SHISA4: variants seen among roughly 807,000 people sequenced by gnomAD.
SHISA4 encodes the protein protein shisa-4.
Under a neutral mutation model 24.2 loss-of-function variants are expected in SHISA4, and 16 were observed. That is an observed-to-expected ratio of 0.66 (90% confidence interval 0.45 to 1.00). The LOEUF (loss-of-function observed/expected upper bound fraction) is 1.00. SHISA4 is among the 50% of genes least tolerant of loss of function. SHISA4 has a pLI of 0.00. For synonymous variants in SHISA4, 106 were observed against 105.4 expected, an observed-to-expected ratio of 1.01 and a Z score of -0.04; for missense variants, 238 against 258.9, an observed-to-expected ratio of 0.92 and a Z score of 0.55.
chr1:201,890,417 G>T, intron 2 of SHISA4, 37 bp from the exon 3 acceptor site: 1 of 1,611,652 alleles, frequency 6.2e-7, no homozygotes, highest in Non-Finnish European at 8.5e-7. Context: ...CGTCCTATGA[G>T]TGTTGGAAGG....
chr1:201,890,227 C>T (rs560449001), intron 2 of SHISA4, among the ~76,000 whole-genome samples: 4 of 152,234 alleles, frequency 2.6e-5, no homozygotes, highest in Middle Eastern at 3.4e-3. Flanking sequence ...TGGTTGGGGG[C>T]GCACTGCAAA....
rs1681108480 is a variant in SHISA4 at position 201,891,923 on chromosome 1, T to C, written c.*77T>C. ...GCCCTCATCCTGTACCTGCATCTGG[T>C]CCTGGGGGTGGCAGGAGTCCTCCAG... On this transcript the variant is annotated 3_prime_UTR_variant, in exon 5 of 5. Coordinates refer to ENST00000362011, the MANE Select transcript of SHISA4 (RefSeq NM_198149.3). 6.4e-7 allele frequency: 1 copy of C among 1,567,028 alleles called. No individual in the cohort carries two copies. The highest frequency in any genetic ancestry group is 1.4e-5 in the African/African-American group (1 of 73,732).
intron 1 of SHISA4, 71 bp from the exon 2 acceptor site, chr1:201,889,374 G>A (rs1005939862): frequency 3.2e-6 from 5 of 1,586,778 alleles, no homozygotes; most frequent in Admixed American, 3.4e-5. Flanking sequence ...ACCGCCGGGG[G>A]AGTGGGGCCG....
chr1:201,889,593 G>A lies in SHISA4; in HGVS notation c.222G>A (p.Gln74=), dbSNP rs1681054973. The A allele has an allele frequency of 6.2e-7, 1 of 1,613,742 alleles. No homozygotes were observed. The highest frequency in any genetic ancestry group is 2.2e-5 in the East Asian group (1 of 44,878). The part of the protein sequence containing the change: ...RDLTLLITER[Q]QKHCLAFSPK... ...TGACCTTGCTTATCACCGAGAGGCA[G>A]CAGAAGCACTGCCTGGCCTTCAGGT... is the stretch of plus-strand genomic sequence containing the variant. Residue 74 remains glutamine, a synonymous_variant, in exon 2 of 5, where the codon CAG becomes CAA. Coordinates refer to ENST00000362011, the MANE Select transcript of SHISA4 (RefSeq NM_198149.3).
chr1:201,889,352 G>A (rs1681047459), intron 1 of SHISA4, 93 bp from the exon 2 acceptor site: 2 of 1,544,908 alleles, frequency 1.3e-6, no homozygotes, highest in East Asian at 2.3e-5. Context: ...TTCGGGAGCC[G>A]TCAGGCTGGG....
At chr1:201,889,271 G>C in intron 1 of SHISA4, 174 bp from the exon 2 acceptor site, 1 of 990,402 alleles carries the variant, frequency 1.0e-6, no homozygotes. Context: ...TGCAGGGTCA[G>C]CTTCAGGCAG....
Position 201,890,479 on chromosome 1 carries a change from T to C in SHISA4, c.271T>C (p.Ser91Pro). 6.2e-7 allele frequency: 1 copy of C among 1,614,256 alleles called. No individual in the cohort carries two copies. The highest frequency in any genetic ancestry group is 8.5e-7 in the Non-Finnish European group (1 of 1,180,044). Residue 91 changes from serine (S) to proline (P), a missense_variant, in exon 3 of 5, where the codon TCA becomes CCA. By Grantham distance (74) the Ser-to-Pro change is moderately conservative. Coordinates refer to ENST00000362011, the MANE Select transcript of SHISA4 (RefSeq NM_198149.3). ...CCCCAAGACCATAGCAGGCATCGCC[T>C]CAGCTGTGATCCTCTTTGTTGCTGT... ...FSPKTIAGIA[S>P]AVILFVAVVA... is the part of the protein sequence containing the mutation.
rs1369599188 is a variant in SHISA4, at chr1:201,890,659, C to A, written c.379+72C>A. 3 of 1,571,434 alleles carry A rather than the reference C, an allele frequency of 1.9e-6. 1 individual carries two copies. The highest frequency in any genetic ancestry group is 4.5e-5 in the East Asian group (2 of 44,498). On this transcript the variant is annotated intron_variant, in intron 3 of 4. Transcript: ENST00000362011. ...GTCCAATAATGGGCAGCAGAGAGTT[C>A]ATGGATTGGGTAAATTCTGTAGTAG...
At chr1:201,889,142 G>A (rs1423812052) in intron 1 of SHISA4, 75 bp downstream of exon 1, 5 of 1,305,630 alleles carry the variant, frequency 3.8e-6, no homozygotes, top group Non-Finnish European at 5.1e-6. Flanking sequence ...CGAGGGGCTT[G>A]GGCTCGGGGC....
chr1:201,889,375 A>T (rs1681048287), intron 1 of SHISA4, 70 bp from the exon 2 acceptor site: 2 of 1,584,834 alleles, frequency 1.3e-6, no homozygotes, highest in Non-Finnish European at 1.7e-6. Context: ...CCGCCGGGGG[A>T]GTGGGGCCGA....
chr1:201,891,496 A>G lies in SHISA4; in HGVS notation c.475A>G (p.Ile159Val), dbSNP rs1354563810. 5.0e-6 allele frequency: 8 copies of G among 1,613,518 alleles called. No homozygotes were observed. The highest frequency in any genetic ancestry group is 5.9e-6 in the Non-Finnish European group (7 of 1,179,836). ...CCCTGCACCCCCACAGCCTGGCTTC[A>G]TATACCCACCTAGTGGTCCTGCTCC... Reference protein sequence around the residue: ...AGPAPPQPGFIYPPSGPAPQY... With the variant: ...AGPAPPQPGFVYPPSGPAPQY... Residue 159 changes from isoleucine to valine, a missense_variant, in exon 4 of 5, where the codon ATA becomes GTA. Physicochemically the swap from Ile to Val is conservative, Grantham distance 29. Coordinates refer to ENST00000362011, the MANE Select transcript of SHISA4 (RefSeq NM_198149.3).
intron 2 of SHISA4, 44 bp from the exon 3 acceptor site, chr1:201,890,410 C>T (rs1294995267): frequency 1.9e-6 from 3 of 1,609,150 alleles, no homozygotes; most frequent in Admixed American, 3.4e-5. Context: ...AGGACTCCGT[C>T]CTATGAGTGT....
rs375383283 is a variant in SHISA4 at position 201,891,553 on chromosome 1, G to C, written c.532G>C (p.Val178Leu). 2.4e-5 allele frequency: 38 copies of C among 1,611,594 alleles called. No individual in the cohort carries two copies. The African/African-American group carries it at 4.7e-4, about 20-fold the overall frequency. Residue 178 changes from valine (V) to leucine (L), a missense_variant, in exon 4 of 5, where the codon GTC (valine) becomes CTC (leucine). Transcript: ENST00000362011. ...QYPLYPAGPP[V>L]YNPAAPPPYM... ...TCCACTCTACCCAGCTGGGCCCCCA[G>C]TCTACAACCCTGCAGGTAAGTAAGC...
rs2279681 is a variant in SHISA4, at chr1:201,891,888, C to A, written c.*42C>A. 7 of 1,609,414 alleles carry A rather than the reference C, an allele frequency of 4.3e-6. No homozygotes were observed. Among genetic ancestry groups the A allele is most frequent in the African/African-American group, 1.3e-5 (1 of 74,728 alleles). ...CTGCTGCCCCTTCAGTGATGCCAAC[C>A]TTGGGAGATGCCCTCATCCTGTACC... On this transcript the variant is annotated 3_prime_UTR_variant, in exon 5 of 5. Coordinates refer to ENST00000362011, the MANE Select transcript of SHISA4 (RefSeq NM_198149.3).
At chr1:201,890,768 G>T (rs1013912624) in intron 3 of SHISA4, among the ~76,000 whole-genome samples, 181 bp downstream of exon 3, 8 of 152,232 alleles carry the variant, frequency 5.3e-5, no homozygotes, top group African/African-American at 1.9e-4. Flanking sequence ...ATGTGCCTGG[G>T]ATATATGGAA....
chr1:201,890,213 G>A (rs1681067039), intron 2 of SHISA4, among the ~76,000 whole-genome samples: 1 of 152,124 alleles, frequency 6.6e-6, no homozygotes, highest in African/African-American at 2.4e-5. Context: ...AGATATAAAA[G>A]CAATGGTTGG....
chr1:201,888,975 G>T lies in SHISA4; in HGVS notation c.-20G>T, dbSNP rs1006465673. ...TCCCTTCTCTGGGAGGCCCGACCCC[G>T]GCCGCGCCCAGCCCCCACCATGCCA... On this transcript the variant is annotated 5_prime_UTR_variant, in exon 1 of 5. Coordinates refer to ENST00000362011, the MANE Select transcript of SHISA4 (RefSeq NM_198149.3). 12 of 1,376,988 alleles carry T rather than the reference G, an allele frequency of 8.7e-6. No homozygotes were observed. Among genetic ancestry groups the T allele is most frequent in the African/African-American group, 1.5e-5 (1 of 65,792 alleles). 85.3% of individuals were successfully genotyped at this position (1,376,988 alleles called of 1,614,324 possible).
At position 201,891,410 on chromosome 1, in the gene SHISA4, T is replaced by C. The variant is rs747295069; in HGVS notation, c.389T>C (p.Ile130Thr). The change falls in exon 4 of 5, where the codon ATT (isoleucine) becomes ACT (threonine). Residue 130 changes from isoleucine (I) to threonine (T), a missense_variant. Transcript: ENST00000362011. The part of the protein sequence containing the change: ...QLQSPFEGQE[I>T]PMTGIPVQPV... ...CTTCTCCCCCATCTAGGCCAGGAGA[T>C]TCCAATGACAGGCATCCCAGTGCAG... 1.9e-6 allele frequency: 3 copies of C among 1,613,674 alleles called. No individual in the cohort carries two copies. In the South Asian group the frequency reaches 3.3e-5, roughly 18 times the overall value.
Position 201,890,436 on chromosome 1 carries a change from C to T in SHISA4, c.246-18C>T. ...CTATGAGTGTTGGAAGGTGAGAGGACCTGTTCTTTGTCTAAAGCCCCAAGA... is the reference window on the plus strand; with the variant it reads ...CTATGAGTGTTGGAAGGTGAGAGGATCTGTTCTTTGTCTAAAGCCCCAAGA... On this transcript the variant is annotated intron_variant, in intron 2 of 4. Transcript: ENST00000362011. 3.7e-6 allele frequency: 6 copies of T among 1,613,698 alleles called. No homozygotes were observed. Among genetic ancestry groups the T allele is most frequent in the Non-Finnish European group, 5.1e-6 (6 of 1,179,754 alleles).
Sources: allele counts gnomAD v4.1 joint callset (sites outside exome capture counted in the v4.1 genomes callset), GRCh38; gene constraint gnomAD v4.1.1; transcripts MANE v1.5; gene names NCBI Gene and HGNC (gene_info 2026-07-23, HGNC 2026-07-21).